ZNF814: variants seen among roughly 807,000 people sequenced by gnomAD.
ZNF814 encodes the protein zinc finger protein 814.
A neutral mutation model predicts 7.5 loss-of-function variants in ZNF814; 5 were observed. The observed-to-expected ratio is 0.67, with a 90% CI of 0.35 to 1.40. The LOEUF is 1.40. Ranked by LOEUF, ZNF814 falls within the 40% of genes most tolerant of loss-of-function variation. ZNF814 has a pLI of 0.04. For missense variants in ZNF814, 962 were observed against 1,018.0 expected (o/e 0.94, Z 0.75); for synonymous variants, 315 against 340.7 (o/e 0.92, Z 0.83).
At position 57,873,819 on chromosome 19, in the gene ZNF814, T is replaced by C; in HGVS notation, c.1571A>G (p.Glu524Gly). The change falls in exon 3 of 3, where the codon GAA (glutamate) becomes GGA (glycine). Residue 524 changes from glutamate to glycine, a missense_variant. Around this residue, in one of 7 missense-constraint regions of ZNF814, gnomAD observed 665 missense variants for 551.4 expected, o/e 1.21. Transcript: ENST00000435989. ...HTGARPYECG[E>G]CGKSFSSKGH... ...TTTTGAACTAAATGATTTCCCACAT[T>C]CTCCACACTCATAAGGTCTTGCTCC... The C allele has an allele frequency of 6.2e-7, 1 of 1,614,130 alleles. No homozygotes were observed. The highest frequency in any genetic ancestry group is 8.5e-7 in the Non-Finnish European group (1 of 1,179,992).
At chr19:57,889,165 C>G (rs1471745516), upstream of ZNF814, 1 of 406,528 alleles carries the variant, frequency 2.5e-6, no homozygotes, top group African/African-American at 2.0e-5. Context: ...TAATGTAGTT[C>G]CCTAGGCAAC....
rs1568515012 is a variant in ZNF814, at chr19:57,869,819, C to T, written c.*3003G>A. 1.3e-5 allele frequency: 2 copies of T among 152,010 alleles called. No homozygotes were observed. Among genetic ancestry groups the T allele is most frequent in the South Asian group, 4.2e-4 (2 of 4,814 alleles). 9.4% of individuals were successfully genotyped at this position (152,010 alleles called of 1,614,324 possible). ...ACTTGGCCGGGCATGGTGGCACATG[C>T]TTCCAGTCCCACCTACATGGGAGGC... On this transcript the variant is annotated 3_prime_UTR_variant, in exon 3 of 3. Coordinates refer to ENST00000435989, the MANE Select transcript of ZNF814 (RefSeq NM_001144989.2).
At chr19:57,875,333 T>G in intron 2 of ZNF814, 107 bp from the exon 3 acceptor site, 1 of 1,608,936 alleles carries the variant, frequency 6.2e-7, no homozygotes, top group Non-Finnish European at 8.5e-7. Context: ...AGGAACTACT[T>G]GGAGGAACAG....
At chr19:57,890,967 A>G (rs906495872), upstream of ZNF814, among the ~76,000 whole-genome samples, 1 of 152,062 alleles carries the variant, frequency 6.6e-6, no homozygotes. Context: ...CAGACAGTGA[A>G]GACATTCTAA....
Position 57,873,684 on chromosome 19 carries a change from A to G in ZNF814, c.1706T>C (p.Val569Ala). 6.2e-7 allele frequency: 1 copy of G among 1,613,936 alleles called. No individual in the cohort carries two copies. Among genetic ancestry groups the G allele is most frequent in the Non-Finnish European group, 8.5e-7 (1 of 1,179,942 alleles). Residue 569 changes from valine to alanine, a missense_variant, in exon 3 of 3, where the codon GTT (valine) becomes GCT (alanine). This residue lies in a region of ZNF814 where 665 missense variants were observed against 551.4 expected (regional missense o/e 1.21). Coordinates refer to ENST00000435989, the MANE Select transcript of ZNF814 (RefSeq NM_001144989.2). ...CCCATAAGATCTTTCTCTAGGGTGA[A>G]CTCGCTGATGTAGAATGAGGGTGCC... ...HKGTLILHQRVHPRERSYGCG... is the reference protein window; with the variant it reads ...HKGTLILHQRAHPRERSYGCG...
rs2071594080 is a variant in ZNF814, at chr19:57,874,964, G to A, written c.426C>T (p.His142=). 6.2e-7 allele frequency: 1 copy of A among 1,612,696 alleles called. No individual in the cohort carries two copies. The highest frequency in any genetic ancestry group is 1.1e-5 in the South Asian group (1 of 91,042). ...TCCCTCTGTAGGGTTTCTCTCCAAT[G>A]TGCTCATTCTGGTGCTGATGAAAGT... ...SGNFHQHQNE[H]IGEKPYRGSV... is the part of the protein sequence containing the mutation. The change falls in exon 3 of 3, where the codon CAC becomes CAT. Residue 142 remains histidine (H), a synonymous_variant. Coordinates refer to ENST00000435989, the MANE Select transcript of ZNF814 (RefSeq NM_001144989.2).
chr19:57,893,169 G>C (rs929860591), upstream of ZNF814, among the ~76,000 whole-genome samples: 1 of 144,410 alleles, frequency 6.9e-6, no homozygotes, highest in Non-Finnish European at 1.5e-5. Flanking sequence ...TTTTGTTATT[G>C]ATTTTTTTTT....
In ZNF814 at chr19:57,873,198, A is replaced by G; in HGVS notation, c.2192T>C (p.Leu731Pro). 6.2e-7 allele frequency: 1 copy of G among 1,613,126 alleles called. No homozygotes were observed. The highest frequency in any genetic ancestry group is 8.5e-7 in the Non-Finnish European group (1 of 1,179,698). The change falls in exon 3 of 3, where the codon CTC becomes CCC. Residue 731 changes from leucine (L) to proline (P), a missense_variant. Physicochemically the swap from Leu to Pro is moderately conservative, Grantham distance 98. Coordinates refer to ENST00000435989, the MANE Select transcript of ZNF814 (RefSeq NM_001144989.2). ...CQKFFRNKYQ[L>P]IAHQRVHTGE... ...AGTGTGAACTCTCTGATGTGCAATG[A>G]GTTGGTACTTGTTTCTAAAAAATTT...
chr19:57,892,365 T>A (rs1227524840), upstream of ZNF814, among the ~76,000 whole-genome samples: 3 of 152,206 alleles, frequency 2.0e-5, no homozygotes, highest in Non-Finnish European at 4.4e-5. Context: ...CAGGCCCAAC[T>A]TGGTGGAGTT....
chr19:57,892,549 A>G (rs1413293242), upstream of ZNF814, among the ~76,000 whole-genome samples: 1 of 152,192 alleles, frequency 6.6e-6, no homozygotes, highest in Non-Finnish European at 1.5e-5. Context: ...ATGGGCTGTT[A>G]ACTGCTGTTC....
At chr19:57,880,566 T>C (rs1471300109) in intron 1 of ZNF814, among the ~76,000 whole-genome samples, 2 of 147,734 alleles carry the variant, frequency 1.4e-5, no homozygotes, top group Admixed American at 6.7e-5. Context: ...GATGGCGGAA[T>C]AGAAAGCTGC....
intron 1 of ZNF814, 34 bp from the exon 2 acceptor site, chr19:57,877,076 G>A (rs768152802): frequency 2.6e-5 from 42 of 1,611,234 alleles, no homozygotes; most frequent in Middle Eastern, 1.6e-4. Flanking sequence ...ACTACAAACT[G>A]CCCCTATGCT....
intron 1 of ZNF814, among the ~76,000 whole-genome samples, chr19:57,878,183 A>AT (rs2071622649): frequency 6.6e-6 from 1 of 151,626 alleles, no homozygotes; most frequent in African/African-American, 2.4e-5. Context: ...AAAAAAAAAA[A>AT]AAAAATCAAA....
rs775332759 is a variant in ZNF814 at position 57,876,969 on chromosome 19, C to T, written c.110G>A (p.Arg37Lys). ...EEWNLLSEAQRCLYRDVTLEN... is the reference protein window; with the variant it reads ...EEWNLLSEAQKCLYRDVTLEN... ...CAGCGTCACATCACGGTACAGGCAT[C>T]TCTGAGCCTCACTAAGGAGATTCCA... The change falls in exon 2 of 3, where the codon AGA becomes AAA. Residue 37 changes from arginine to lysine, a missense_variant. By Grantham distance (26) the Arg-to-Lys change is conservative (BLOSUM62 2). Coordinates refer to ENST00000435989, the MANE Select transcript of ZNF814 (RefSeq NM_001144989.2). 10 of 1,614,040 alleles carry T rather than the reference C, an allele frequency of 6.2e-6. No individual in the cohort carries two copies. The highest frequency in any genetic ancestry group is 8.5e-6 in the Non-Finnish European group (10 of 1,180,034).
chr19:57,891,754 CTTTCT>C (rs145349131), upstream of ZNF814, among the ~76,000 whole-genome samples: 8,202 of 151,882 alleles, frequency 0.054, 754 homozygotes, highest in African/African-American at 0.18. Flanking sequence ...TATTCCTTTA[CTTTCT>C]TTTCTTTTTT....
At chr19:57,876,117 CCTGA>C (rs904725086) in intron 2 of ZNF814, among the ~76,000 whole-genome samples, 21 of 151,884 alleles carry the variant, frequency 1.4e-4, no homozygotes, top group African/African-American at 4.8e-4. Flanking sequence ...TACCACCAGG[CCTGA>C]CTACTTTTTG....
rs2071540702 is a variant in ZNF814, at chr19:57,869,795, C to CTT, written c.*3025_*3026dup. Reference sequence around the variant, plus strand: ...CTCCGTCTCTACTAAAAATACAAAACTTGGCCGGGCATGGTGGCACATGCT... The same window carrying CTT: ...CTCCGTCTCTACTAAAAATACAAAACTTTTGGCCGGGCATGGTGGCACATGCT... On this transcript the variant is annotated 3_prime_UTR_variant, in exon 3 of 3. Coordinates refer to ENST00000435989, the MANE Select transcript of ZNF814 (RefSeq NM_001144989.2). 1 of 151,742 alleles carries CTT rather than the reference C, an allele frequency of 6.6e-6. No individual in the cohort carries two copies. 9.4% of individuals were successfully genotyped at this position (151,742 alleles called of 1,614,324 possible). A position where few individuals can be genotyped will look rare whatever the true frequency, so the allele number is the denominator to read the frequency against.
the ZNF814 span, among the ~76,000 whole-genome samples, chr19:57,898,766 C>T: frequency 2.0e-5 from 3 of 152,066 alleles, no homozygotes; most frequent in Non-Finnish European, 4.4e-5. Flanking sequence ...CACAGTGAAA[C>T]CCTGTCTCTA....
At position 57,874,686 on chromosome 19, in the gene ZNF814, A is replaced by G; in HGVS notation, c.704T>C (p.Leu235Pro). 1 of 1,567,892 alleles carries G rather than the reference A, an allele frequency of 6.4e-7. No individual in the cohort carries two copies. Among genetic ancestry groups the G allele is most frequent in the African/African-American group, 1.4e-5 (1 of 73,940 alleles). Reference sequence around the variant, plus strand: ...CACATAACACTCTTCTCTAGTGAGCAGTCTCTGGTGCTGACTGAGTATATG... The same window carrying G: ...CACATAACACTCTTCTCTAGTGAGCGGTCTCTGGTGCTGACTGAGTATATG... ...TKHILSQHQRLLTREECYVCC... is the reference protein window; with the variant it reads ...TKHILSQHQRPLTREECYVCC... Residue 235 changes from leucine (L) to proline (P), a missense_variant, in exon 3 of 3, where the codon CTG becomes CCG. Physicochemically the swap from Leu to Pro is moderately conservative, Grantham distance 98. Around this residue, in one of 7 missense-constraint regions of ZNF814, gnomAD observed 126 missense variants for 123.5 expected, o/e 1.02. Coordinates refer to ENST00000435989, the MANE Select transcript of ZNF814 (RefSeq NM_001144989.2).
Sources: gnomAD v4.1 joint callset for allele counts (sites outside exome capture counted in the v4.1 genomes callset) on GRCh38, gnomAD v4.1.1 for gene constraint, gnomAD v4.1.1 regional missense constraint, MANE v1.5 for transcripts, NCBI Gene and HGNC (gene_info 2026-07-23, HGNC 2026-07-21) for gene names.